The following AP4E1 variants were observed in gnomAD, a reference collection of about 807,000 sequenced individuals.
AP4E1 encodes AP-4 complex subunit epsilon-1.
A neutral mutation model predicts 128.2 loss-of-function variants in AP4E1; 56 were observed. That is an observed-to-expected ratio of 0.44 (90% CI 0.35 to 0.55). The LOEUF is 0.55. Ranked by LOEUF, AP4E1 falls within the 20% of genes least tolerant of loss-of-function variation. The pLI is 0.00. For missense variants in AP4E1, 1,324 were observed against 1,307.7 expected (o/e 1.01, Z -0.19); for synonymous variants, 484 against 473.1 (o/e 1.02, Z -0.30).
At position 50,993,488 on chromosome 15, in the gene AP4E1, A is replaced by C. The variant is rs2064829414; in HGVS notation, c.2209A>C (p.Ile737Leu). The change falls in exon 17 of 21, where the codon ATA (isoleucine) becomes CTA (leucine). Residue 737 changes from isoleucine to leucine, a missense_variant. Ile to Leu is a conservative substitution (Grantham distance 5). Transcript: ENST00000261842. ...SGALPVPQES[I>L]MENVDQAITK... is the part of the protein sequence containing the mutation. ...AGCTCTGCCTGTTCCTCAAGAGAGT[A>C]TAATGGAGAATGTAGATCAAGCTAT... is the stretch of plus-strand genomic sequence containing the variant. 1 of 1,613,906 alleles carries C rather than the reference A, an allele frequency of 6.2e-7. No homozygotes were observed. The highest frequency in any genetic ancestry group is 1.7e-5 in the Admixed American group (1 of 59,982).
intron 3 of AP4E1, among the ~76,000 whole-genome samples, chr15:50,916,195 G>A (rs147422089): frequency 2.6e-5 from 4 of 152,184 alleles, no homozygotes; most frequent in African/African-American, 9.7e-5. Flanking sequence ...CTCCCAAAGC[G>A]CTGGGATTAC....
At chr15:50,987,114 C>G (rs1331888929) in intron 16 of AP4E1, among the ~76,000 whole-genome samples, 2 of 152,170 alleles carry the variant, frequency 1.3e-5, no homozygotes, top group Non-Finnish European at 2.9e-5. Flanking sequence ...TTATAGTATT[C>G]TCTGATGATA....
intron 16 of AP4E1, among the ~76,000 whole-genome samples, chr15:50,987,492 G>A (rs1269510919): frequency 6.6e-6 from 1 of 152,094 alleles, no homozygotes; most frequent in African/African-American, 2.4e-5. Context: ...CAGAGATTCT[G>A]GTATGTTGTG....
At chr15:50,955,329 T>G (rs1483799461) in intron 13 of AP4E1, among the ~76,000 whole-genome samples, 1 of 152,174 alleles carries the variant, frequency 6.6e-6, no homozygotes, top group African/African-American at 2.4e-5. Context: ...TTCTCCACAT[T>G]CTTTCCAGCA....
intron 7 of AP4E1, among the ~76,000 whole-genome samples, chr15:50,931,997 T>C (rs2063841920): frequency 6.6e-6 from 1 of 152,108 alleles, no homozygotes; most frequent in South Asian, 2.1e-4. Flanking sequence ...TTTTTGTTTT[T>C]GAGACTAAGT....
At chr15:50,930,155 C>A (rs546668522) in intron 6 of AP4E1, among the ~76,000 whole-genome samples, 1 of 146,894 alleles carries the variant, frequency 6.8e-6, no homozygotes, top group East Asian at 2.0e-4. Flanking sequence ...ACAACCTCCC[C>A]GTCCCAGGTT....
At chr15:50,917,934 T>TACA (rs1306736276) in intron 3 of AP4E1, 1 of 152,246 alleles carries the variant, frequency 6.6e-6, no homozygotes, top group Non-Finnish European at 1.5e-5. Context: ...ATCCCATCTC[T>TACA]ACAAAAAATA....
At chr15:50,992,227 A>G (rs1433678749) in intron 16 of AP4E1, among the ~76,000 whole-genome samples, 1 of 152,144 alleles carries the variant, frequency 6.6e-6, no homozygotes, top group Non-Finnish European at 1.5e-5. Flanking sequence ...ATACTAGTCT[A>G]TGTATTAATT....
chr15:50,908,946 C>T lies in AP4E1; in HGVS notation c.150+18C>T, dbSNP rs199970888. 4 of 1,610,294 alleles carry T rather than the reference C, an allele frequency of 2.5e-6. No individual in the cohort carries two copies. The East Asian group carries it at 8.9e-5, about 36-fold the overall frequency. On this transcript the variant is annotated intron_variant, in intron 1 of 20. Transcript: ENST00000261842. ...CCAAGCACGTAGGTGCCCGCCGGCC[C>T]GGGAGCTCAGGGACATCGGAGTGAG...
At chr15:50,920,287 GTATTTTTA>G (rs2063683821) in intron 3 of AP4E1, among the ~76,000 whole-genome samples, 2 of 151,118 alleles carry the variant, frequency 1.3e-5, no homozygotes, top group African/African-American at 2.4e-5. Flanking sequence ...CTAATTTTTT[GTATTTTTA>G]GTAGAGACGG....
chr15:50,949,942 G>C lies in AP4E1; in HGVS notation c.1429+4G>C. The C allele has an allele frequency of 1.9e-6, 3 of 1,605,058 alleles. No individual in the cohort carries two copies. The highest frequency in any genetic ancestry group is 2.6e-6 in the Non-Finnish European group (3 of 1,171,968). On this transcript the variant is annotated splice_donor_region_variant and intron_variant, in intron 12 of 20. Coordinates refer to ENST00000261842, the MANE Select transcript of AP4E1 (RefSeq NM_007347.5). ...TTTCTGAGACTACTAGCGGAAGGTT[G>C]GTACACTATTATATTCTGTAAAGTA...
intron 16 of AP4E1, among the ~76,000 whole-genome samples, chr15:50,992,509 G>A (rs1050993828): frequency 8.5e-5 from 13 of 152,222 alleles, no homozygotes; most frequent in African/African-American, 1.4e-4. Flanking sequence ...ATTTTAGCCC[G>A]CACTTATTAG....
At chr15:50,945,129 A>C in intron 10 of AP4E1, 1 of 806,378 alleles carries the variant, frequency 1.2e-6, no homozygotes, top group South Asian at 1.3e-5. Context: ...ATTAGGAAAG[A>C]CAGTGTATAC....
At chr15:50,952,688 T>C (rs1003717140) in intron 13 of AP4E1, among the ~76,000 whole-genome samples, 8 of 152,136 alleles carry the variant, frequency 5.3e-5, no homozygotes, top group African/African-American at 1.9e-4. Flanking sequence ...TTTATCCTTT[T>C]TTAATTTATA....
intron 6 of AP4E1, among the ~76,000 whole-genome samples, chr15:50,930,072 CTT>C (rs1409254424): frequency 2.9e-5 from 4 of 137,074 alleles, no homozygotes; most frequent in African/African-American, 2.7e-5. Flanking sequence ...ATTTTGGGGA[CTT>C]TTTTTTTTTT....
At chr15:50,956,516 C>T (rs2064225046) in intron 13 of AP4E1, among the ~76,000 whole-genome samples, 1 of 152,094 alleles carries the variant, frequency 6.6e-6, no homozygotes, top group African/African-American at 2.4e-5. Flanking sequence ...GTTTAGTTGA[C>T]TCACAGTTCC....
At chr15:50,982,026 G>T (rs906417981) in intron 15 of AP4E1, among the ~76,000 whole-genome samples, 4 of 150,174 alleles carry the variant, frequency 2.7e-5, no homozygotes, top group African/African-American at 9.8e-5. Context: ...CGGAGGTTGT[G>T]GGGAGCTGAG....
At chr15:50,969,448 A>G in intron 15 of AP4E1, among the ~76,000 whole-genome samples, 1 of 152,172 alleles carries the variant, frequency 6.6e-6, no homozygotes, top group East Asian at 1.9e-4. Context: ...AAAGTTTCAG[A>G]AAACAACCCT....
At chr15:50,995,942 G>T (rs1216847680) in intron 17 of AP4E1, among the ~76,000 whole-genome samples, 4 of 145,368 alleles carry the variant, frequency 2.8e-5, no homozygotes, top group Non-Finnish European at 6.0e-5. Flanking sequence ...GAGAGCATCA[G>T]TGACTTGGGG....
Sources: allele counts gnomAD v4.1 joint callset (sites outside exome capture counted in the v4.1 genomes callset), GRCh38; gene constraint gnomAD v4.1.1; transcripts MANE v1.5; gene names NCBI Gene and HGNC (gene_info 2026-07-23, HGNC 2026-07-21).